The following BRCA1 variants were observed in gnomAD, a reference collection of about 807,000 sequenced individuals.
BRCA1 encodes breast cancer type 1 susceptibility protein.
A neutral mutation model predicts 173.7 loss-of-function variants in BRCA1; 140 were observed. The ratio of observed to expected loss-of-function variants is 0.81; its 90% CI spans 0.70 to 0.93. BRCA1 has a LOEUF of 0.93. Ranked by LOEUF, BRCA1 falls within the 40% of genes least tolerant of loss-of-function variation. The probability of loss-of-function intolerance (pLI) is 0.00; values close to 1 mark genes in which losing one functional copy is unlikely to be tolerated. For missense variants in BRCA1, 1,983 were observed against 2,172.5 expected, an observed-to-expected ratio of 0.91 and a Z score of 1.73; for synonymous variants, 662 against 756.0, an observed-to-expected ratio of 0.88 and a Z score of 2.04.
chr17:43,091,046 AAC>A lies in BRCA1; in HGVS notation c.4097-16_4097-15del. 1.2e-6 allele frequency: 2 copies of A among 1,607,894 alleles called. No individual in the cohort carries two copies. Among genetic ancestry groups the A allele is most frequent in the Non-Finnish European group, 1.7e-6 (2 of 1,176,720 alleles). On this transcript the variant is annotated splice_polypyrimidine_tract_variant and intron_variant, in intron 10 of 22. Transcript: ENST00000357654. ...ATGCTGCTTCACCTTAAATAACAAA[AAC>A]AGAGGTTCAGATGTAAAAGCAGACT...
At chr17:43,070,547 A>G (rs1466775872) in intron 15 of BRCA1, among the ~76,000 whole-genome samples, 1 of 152,222 alleles carries the variant, frequency 6.6e-6, no homozygotes, top group Non-Finnish European at 1.5e-5. Context: ...GTCTGAATTT[A>G]GTTAAATATG....
intron 2 of BRCA1, 57 bp from the exon 3 acceptor site, chr17:43,115,836 A>G: frequency 6.6e-7 from 1 of 1,524,896 alleles, no homozygotes; most frequent in Non-Finnish European, 8.9e-7. Flanking sequence ...ATTTATTTAA[A>G]AATAAAGCTA....
intron 1 of BRCA1, among the ~76,000 whole-genome samples, chr17:43,137,594 T>C (rs2056037669): frequency 6.6e-6 from 1 of 152,016 alleles, no homozygotes; most frequent in East Asian, 1.9e-4. Flanking sequence ...GAACCTGAAT[T>C]TCCTGGCGGG....
At chr17:43,050,174 A>G in intron 20 of BRCA1, 1 of 398,614 alleles carries the variant, frequency 2.5e-6, no homozygotes, top group Non-Finnish European at 4.4e-6. Flanking sequence ...ACAGGAGGCA[A>G]AGGTGGGTAG....
chr17:43,100,156 G>C (rs1267964845), intron 6 of BRCA1, among the ~76,000 whole-genome samples: 2 of 152,078 alleles, frequency 1.3e-5, no homozygotes, highest in Non-Finnish European at 2.9e-5. Context: ...GTGAGACCCA[G>C]TCTCTACAAA....
chr17:43,149,109 TC>T (rs558326150), intron 1 of BRCA1, among the ~76,000 whole-genome samples: 8 of 150,976 alleles, frequency 5.3e-5, no homozygotes, highest in Non-Finnish European at 8.9e-5. Flanking sequence ...TTACTTTTTT[TC>T]CCCCCCGAGA....
chr17:43,065,132 T>C (rs886582056), intron 16 of BRCA1, among the ~76,000 whole-genome samples: 4 of 152,156 alleles, frequency 2.6e-5, no homozygotes, highest in Non-Finnish European at 4.4e-5. Context: ...GCTTGGCATC[T>C]TTTTACCTTT....
intron 12 of BRCA1, among the ~76,000 whole-genome samples, chr17:43,081,840 T>G (rs186198860): frequency 6.6e-6 from 1 of 152,192 alleles, no homozygotes; most frequent in African/African-American, 2.4e-5. Context: ...TTTTGATAAC[T>G]GTAACATTGC....
At chr17:43,127,109 C>T (rs1233042572), upstream of BRCA1, among the ~76,000 whole-genome samples, 10 of 152,238 alleles carry the variant, frequency 6.6e-5, no homozygotes, top group African/African-American at 2.4e-4. Flanking sequence ...CTCCCAACCC[C>T]TGTGAGCTCC....
At position 43,104,253 on chromosome 17, in the gene BRCA1, T is replaced by G. The variant is rs753342801; in HGVS notation, c.310A>C (p.Ser104Arg). Residue 104 changes from serine (S) to arginine (R), a missense_variant, in exon 6 of 23, where the codon AGC becomes CGC. Ser to Arg is a moderately radical substitution (Grantham distance 110). Transcript: ENST00000357654. Reference protein sequence around the residue: ...QLDTGLEYANSYNFAKKENNS... With the variant: ...QLDTGLEYANRYNFAKKENNS... ...TTTTCCTTTTTTGCAAAATTATAGC[T>G]GTTTGCATCTGTAAAATACAAGGGA... The G allele has an allele frequency of 6.2e-7, 1 of 1,609,500 alleles. No homozygotes were observed. The highest frequency in any genetic ancestry group is 1.7e-5 in the Admixed American group (1 of 59,948).
intron 2 of BRCA1, among the ~76,000 whole-genome samples, chr17:43,122,306 T>TA (rs1001861805): frequency 1.6e-4 from 25 of 152,198 alleles, no homozygotes; most frequent in Admixed American, 1.4e-3. Context: ...TCACCATATT[T>TA]AAAAAAATTA....
intron 1 of BRCA1, among the ~76,000 whole-genome samples, chr17:43,142,921 T>C (rs2056085802): frequency 6.9e-6 from 1 of 145,950 alleles, no homozygotes; most frequent in Non-Finnish European, 1.5e-5. Context: ...TTTTTGTGTG[T>C]GTGTGTGTGT....
At position 43,091,746 on chromosome 17, in the gene BRCA1, G is replaced by GATA. The variant is rs1064793058; in HGVS notation, c.3782_3784dup (p.Leu1261dup). On this transcript the variant is annotated inframe_insertion, in exon 10 of 23. Coordinates refer to ENST00000357654, the MANE Select transcript of BRCA1 (RefSeq NM_007294.4). ...GCAGTCATTTAAGCTATTCTTCAAT[G>GATA]ATAATAAATTCTCCTCTGTGTTCTT... The GATA allele has an allele frequency of 6.2e-7, 1 of 1,614,070 alleles. No individual in the cohort carries two copies. Among genetic ancestry groups the GATA allele is most frequent in the African/African-American group, 1.3e-5 (1 of 74,934 alleles).
intron 5 of BRCA1, 110 bp from the exon 6 acceptor site, chr17:43,104,371 A>G: frequency 1.7e-6 from 2 of 1,204,490 alleles, no homozygotes; most frequent in Non-Finnish European, 2.3e-6. Context: ...TGTTAAGACA[A>G]TGCATTAAGG....
At chr17:43,097,829 C>T (rs1294667630) in intron 7 of BRCA1, among the ~76,000 whole-genome samples, 2 of 152,108 alleles carry the variant, frequency 1.3e-5, no homozygotes, top group Admixed American at 6.6e-5. Flanking sequence ...TTAAGTGCTC[C>T]TAAATATCAA....
intron 19 of BRCA1, among the ~76,000 whole-genome samples, chr17:43,056,298 C>A (rs1318083271): frequency 6.6e-6 from 1 of 151,872 alleles, no homozygotes; most frequent in Non-Finnish European, 1.5e-5. Context: ...CTCAGCCTTC[C>A]GAGTAGCTGG....
At chr17:43,103,806 A>C (rs1354015091) in intron 6 of BRCA1, among the ~76,000 whole-genome samples, 1 of 152,070 alleles carries the variant, frequency 6.6e-6, no homozygotes, top group Non-Finnish European at 1.5e-5. Flanking sequence ...TTGCCAGAAT[A>C]AATGAAAATG....
chr17:43,095,104 C>T (rs2054078664), intron 9 of BRCA1, among the ~76,000 whole-genome samples: 1 of 132,920 alleles, frequency 7.5e-6, no homozygotes, highest in South Asian at 2.9e-4. Context: ...GCAGAAACCA[C>T]ACCTATTTCT....
chr17:43,129,584 C>T (rs1814833), upstream of BRCA1, among the ~76,000 whole-genome samples: 87 of 152,290 alleles, frequency 5.7e-4, 1 homozygote, highest in African/African-American at 2.0e-3. Context: ...CGCCATTCTC[C>T]TGCCTCAGCC....
Sources: allele counts gnomAD v4.1 joint callset (sites outside exome capture counted in the v4.1 genomes callset), GRCh38; gene constraint gnomAD v4.1.1; transcripts MANE v1.5; gene names NCBI Gene and HGNC (gene_info 2026-07-23, HGNC 2026-07-21).